The following ZNF140 variants were observed in gnomAD, a reference collection of about 807,000 sequenced individuals.
ZNF140 encodes zinc finger protein 140 (clone pHZ-39).
In ZNF140, 13 loss-of-function variants were observed where a neutral mutation model predicts 12.9. The observed-to-expected ratio is 1.01, with a 90% confidence interval of 0.66 to 1.60. The LOEUF (loss-of-function observed/expected upper bound fraction) is 1.60, where lower values mean the gene tolerates loss of function less well. Ranked by LOEUF, ZNF140 falls within the 40% of genes most tolerant of loss-of-function variation. The pLI is 0.00. For synonymous variants in ZNF140, 214 were observed against 186.7 expected, an observed-to-expected ratio of 1.15 and a Z score of -1.19; for missense variants, 531 against 548.8, an observed-to-expected ratio of 0.97 and a Z score of 0.32.
intron 4 of ZNF140, among the ~76,000 whole-genome samples, chr12:133,093,214 A>T (rs1954951652): frequency 6.6e-6 from 1 of 151,148 alleles, no homozygotes. Flanking sequence ...GTACCCATGC[A>T]CTGTTATTAA....
intron 4 of ZNF140, among the ~76,000 whole-genome samples, chr12:133,101,290 T>C (rs1331313810): frequency 1.3e-5 from 2 of 152,220 alleles, no homozygotes; most frequent in Non-Finnish European, 2.9e-5. Context: ...ATTTCTGTTA[T>C]GCGTATATTA....
chr12:133,093,287 T>C (rs1225885959), intron 4 of ZNF140: 2 of 590,844 alleles, frequency 3.4e-6, no homozygotes, highest in Non-Finnish European at 6.0e-6. Flanking sequence ...GAAAGGCACA[T>C]AGGCCCAGTA....
intron 4 of ZNF140, among the ~76,000 whole-genome samples, chr12:133,088,716 G>A (rs908019534): frequency 2.6e-5 from 4 of 152,168 alleles, no homozygotes; most frequent in East Asian, 1.9e-4. Context: ...TTGCATTCCC[G>A]TCAGCAATGA....
At chr12:133,084,484 C>G (rs750987486) in intron 4 of ZNF140, among the ~76,000 whole-genome samples, 12 of 152,258 alleles carry the variant, frequency 7.9e-5, no homozygotes, top group African/African-American at 2.9e-4. Context: ...AAATAGCTTG[C>G]ATTAGATATC....
intron 4 of ZNF140, among the ~76,000 whole-genome samples, chr12:133,095,518 G>A (rs922856364): frequency 5.3e-5 from 8 of 151,188 alleles, no homozygotes; most frequent in Non-Finnish European, 7.4e-5. Flanking sequence ...TTCTAGTCGG[G>A]TGGGATGAGA....
intron 4 of ZNF140, among the ~76,000 whole-genome samples, chr12:133,095,421 G>A (rs77161104): frequency 2.0e-5 from 3 of 150,834 alleles, no homozygotes; most frequent in Admixed American, 1.3e-4. Context: ...CAATGCTCAC[G>A]TTCTTAGCAT....
intron 4 of ZNF140, among the ~76,000 whole-genome samples, chr12:133,094,385 A>G (rs912585604): frequency 6.6e-6 from 1 of 151,048 alleles, no homozygotes. Flanking sequence ...TAAAAAAGCA[A>G]TCCTTTGAAT....
chr12:133,094,467 G>A (rs1252793660), intron 4 of ZNF140, among the ~76,000 whole-genome samples: 1 of 151,164 alleles, frequency 6.6e-6, no homozygotes, highest in Non-Finnish European at 1.5e-5. Context: ...AGGCCCCATG[G>A]GTTGAATTGC....
At chr12:133,084,487 T>C (rs1445025309) in intron 4 of ZNF140, among the ~76,000 whole-genome samples, 1 of 152,222 alleles carries the variant, frequency 6.6e-6, no homozygotes, top group Non-Finnish European at 1.5e-5. Flanking sequence ...TAGCTTGCAT[T>C]AGATATCCTC....
intron 4 of ZNF140, 63 bp downstream of exon 4, chr12:133,083,624 G>C: frequency 6.8e-7 from 1 of 1,469,478 alleles, no homozygotes; most frequent in Non-Finnish European, 9.4e-7. Flanking sequence ...AATGAAAAAG[G>C]AATACTTTTT....
chr12:133,086,978 C>T (rs1306383112), intron 4 of ZNF140, among the ~76,000 whole-genome samples: 1 of 152,142 alleles, frequency 6.6e-6, no homozygotes, highest in Non-Finnish European at 1.5e-5. Flanking sequence ...TCATTTTTCT[C>T]TTTGCTCAAA....
chr12:133,083,462 G>A lies in ZNF140; in HGVS notation c.137-4G>A. ...CTTGAATTTATTTCATTTTCTGCAA[G>A]CAGGTCTTTCCATTTCTAAGCCAGA... is the stretch of plus-strand genomic sequence containing the variant. On this transcript the variant is annotated splice_region_variant and splice_polypyrimidine_tract_variant and intron_variant, in intron 3 of 4. Coordinates refer to ENST00000355557, the MANE Select transcript of ZNF140 (RefSeq NM_003440.4). The A allele has an allele frequency of 6.2e-7, 1 of 1,608,844 alleles. No individual in the cohort carries two copies. The highest frequency in any genetic ancestry group is 8.5e-7 in the Non-Finnish European group (1 of 1,178,530).
chr12:133,103,414 G>A (rs990944356), intron 4 of ZNF140, among the ~76,000 whole-genome samples: 21 of 149,234 alleles, frequency 1.4e-4, no homozygotes, highest in Middle Eastern at 3.4e-3. Context: ...GCACAGTACC[G>A]TGCCTAAGTT....
chr12:133,091,585 A>G (rs1372731918), intron 4 of ZNF140, among the ~76,000 whole-genome samples: 2 of 149,220 alleles, frequency 1.3e-5, no homozygotes, highest in Admixed American at 1.3e-4. Context: ...CATCGTCATC[A>G]TGACCCGTTC....
chr12:133,082,183 ACTT>A (rs1248158070), intron 2 of ZNF140: 1 of 152,174 alleles, frequency 6.6e-6, no homozygotes, highest in Non-Finnish European at 1.5e-5. Context: ...TTTCAGTTCC[ACTT>A]CTTTATCCTA....
intron 4 of ZNF140, among the ~76,000 whole-genome samples, chr12:133,104,227 C>T (rs1190409631): frequency 2.0e-5 from 3 of 152,160 alleles, no homozygotes; most frequent in Admixed American, 6.5e-5. Flanking sequence ...TGCTTGTACA[C>T]ATTTGCCTTA....
chr12:133,089,181 G>A (rs947162190), intron 4 of ZNF140, among the ~76,000 whole-genome samples: 32 of 151,888 alleles, frequency 2.1e-4, no homozygotes, highest in African/African-American at 7.7e-4. Context: ...GAATCCTGAT[G>A]CTTTCATTTT....
At chr12:133,084,205 T>TA (rs1383019738) in intron 4 of ZNF140, 3 of 425,888 alleles carry the variant, frequency 7.0e-6, no homozygotes, top group Non-Finnish European at 1.4e-5. Flanking sequence ...CAAATGGACA[T>TA]ACATTTCTAT....
chr12:133,085,582 G>A (rs1348738979), intron 4 of ZNF140, among the ~76,000 whole-genome samples: 1 of 152,124 alleles, frequency 6.6e-6, no homozygotes, highest in Non-Finnish European at 1.5e-5. Flanking sequence ...TGCTTTTATG[G>A]TAAAGTAGCT....
Sources: gnomAD v4.1 joint callset for allele counts (sites outside exome capture counted in the v4.1 genomes callset) on GRCh38, gnomAD v4.1.1 for gene constraint, MANE v1.5 for transcripts, NCBI Gene and HGNC (gene_info 2026-07-23, HGNC 2026-07-21) for gene names.